The following BPTF variants were observed in gnomAD, a reference collection of about 807,000 sequenced individuals.
BPTF encodes the protein nucleosome-remodeling factor subunit BPTF.
In BPTF, 18 loss-of-function variants were observed where a neutral mutation model predicts 292.5. That is an observed-to-expected ratio of 0.06 (90% CI 0.04 to 0.09). The LOEUF is 0.09. Among genes scored for constraint, BPTF ranks in the 10% least tolerant of loss-of-function variants. The probability of loss-of-function intolerance (pLI) is 1.00; values close to 1 mark genes in which losing one functional copy is unlikely to be tolerated. For synonymous variants in BPTF, 1,225 were observed against 1,251.9 expected (o/e 0.98, Z 0.45); for missense variants, 2,726 against 3,498.7 (o/e 0.78, Z 5.57).
chr17:67,894,270 CTT>C (rs554536543), intron 7 of BPTF, 105 bp downstream of exon 7: 57 of 1,213,078 alleles, frequency 4.7e-5, no homozygotes, highest in Non-Finnish European at 5.9e-5. Flanking sequence ...ATATTGAAGA[CTT>C]TACTTTTGGC....
chr17:67,922,173 A>G (rs1157647331), intron 13 of BPTF, among the ~76,000 whole-genome samples: 9 of 152,124 alleles, frequency 5.9e-5, no homozygotes, highest in African/African-American at 1.2e-4. Context: ...CAGTCCCCTA[A>G]AATCACTTCT....
intron 1 of BPTF, among the ~76,000 whole-genome samples, chr17:67,828,675 T>G (rs939967787): frequency 5.9e-5 from 9 of 152,194 alleles, no homozygotes; most frequent in African/African-American, 2.2e-4. Flanking sequence ...ATTAAAGGCA[T>G]GCAGCACCAC....
At chr17:67,881,764 G>A (rs2060422625) in intron 4 of BPTF, among the ~76,000 whole-genome samples, 1 of 150,758 alleles carries the variant, frequency 6.6e-6, no homozygotes, top group Admixed American at 6.6e-5. Context: ...GCCTCCCAAA[G>A]TGCTGAGACT....
intron 2 of BPTF, among the ~76,000 whole-genome samples, chr17:67,864,064 T>C (rs1279128985): frequency 6.6e-6 from 1 of 152,108 alleles, no homozygotes; most frequent in African/African-American, 2.4e-5. Context: ...CTGAGGAACA[T>C]GGTAGGCCTT....
In BPTF at chr17:67,928,616, TTAAG is replaced by T; in HGVS notation, c.5998+19_5998+22del. On this transcript the variant is annotated intron_variant, in intron 16 of 27. Coordinates refer to ENST00000306378, the MANE Select transcript of BPTF (RefSeq NM_182641.4). ...GTCAAATTCAGGTATGGAACTATCA[TTAAG>T]TAAAAGATTACTTTGGTTCAGGAAA... 1 of 1,583,520 alleles carries T rather than the reference TTAAG, an allele frequency of 6.3e-7. No homozygotes were observed. The highest frequency in any genetic ancestry group is 8.6e-7 in the Non-Finnish European group (1 of 1,162,328).
chr17:67,937,546 A>G (rs905561362), intron 18 of BPTF, among the ~76,000 whole-genome samples: 3 of 152,152 alleles, frequency 2.0e-5, no homozygotes, highest in Non-Finnish European at 2.9e-5. Flanking sequence ...CCTGAAGGAA[A>G]TGAGAGAGCT....
chr17:67,866,432 C>T (rs1475666896), intron 2 of BPTF, 32 bp from the exon 3 acceptor site: 3 of 1,494,144 alleles, frequency 2.0e-6, no homozygotes, highest in Non-Finnish European at 2.8e-6. Flanking sequence ...TTATGTCTAA[C>T]ATATAAAGTA....
At chr17:67,877,881 C>T (rs2060143818) in intron 4 of BPTF, among the ~76,000 whole-genome samples, 1 of 152,196 alleles carries the variant, frequency 6.6e-6, no homozygotes, top group African/African-American at 2.4e-5. Flanking sequence ...CATCCTCCCG[C>T]CTCTGCCTCT....
intron 1 of BPTF, among the ~76,000 whole-genome samples, chr17:67,838,815 A>G (rs2057334012): frequency 6.6e-6 from 1 of 152,262 alleles, no homozygotes; most frequent in Non-Finnish European, 1.5e-5. Context: ...TGGAAGAAGT[A>G]TAATTCATTT....
intron 14 of BPTF, among the ~76,000 whole-genome samples, chr17:67,923,755 C>G (rs890262722): frequency 6.6e-6 from 1 of 152,014 alleles, no homozygotes; most frequent in Non-Finnish European, 1.5e-5. Context: ...GCTGGGATTA[C>G]AAGTGTGAGC....
intron 3 of BPTF, among the ~76,000 whole-genome samples, chr17:67,868,785 A>C (rs1028048138): frequency 2.0e-5 from 3 of 152,192 alleles, no homozygotes; most frequent in African/African-American, 7.2e-5. Context: ...CCTTGTTCTC[A>C]CATATTCTAC....
chr17:67,918,822 A>C lies in BPTF; in HGVS notation c.5412A>C (p.Gly1804=). The change falls in exon 12 of 28, where the codon GGA becomes GGC. Residue 1804 remains glycine (G), a synonymous_variant. Transcript: ENST00000306378. ...TGGCGGCCAAGGCTCCTCCAGGAGG[A>C]GGGACTACACGGACAGGTAAGGGGG... ...DDMAAKAPPG[G]GTTRTETSET... 1 of 1,613,370 alleles carries C rather than the reference A, an allele frequency of 6.2e-7. No individual in the cohort carries two copies. The highest frequency in any genetic ancestry group is 8.5e-7 in the Non-Finnish European group (1 of 1,179,498).
intron 13 of BPTF, among the ~76,000 whole-genome samples, chr17:67,921,980 G>A (rs918528937): frequency 1.5e-4 from 23 of 150,978 alleles, no homozygotes; most frequent in African/African-American, 5.6e-4. Flanking sequence ...GCAGTGAGCC[G>A]AGATCACACC....
chr17:67,872,828 T>C (rs1261522426), intron 3 of BPTF, among the ~76,000 whole-genome samples: 3 of 152,204 alleles, frequency 2.0e-5, no homozygotes, highest in African/African-American at 7.2e-5. Flanking sequence ...GGCTGGGCAC[T>C]GCTAACGCCT....
At position 67,983,298 on chromosome 17, in the gene BPTF, G is replaced by A. The variant is rs1338767859; in HGVS notation, c.*1010G>A. 1 of 152,596 alleles carries A rather than the reference G, an allele frequency of 6.6e-6. No individual in the cohort carries two copies. The highest frequency in any genetic ancestry group is 1.5e-5 in the Non-Finnish European group (1 of 68,030). The allele number at this position is 152,596 out of a possible 1,614,324, so 9.5% of individuals were successfully genotyped here. On this transcript the variant is annotated 3_prime_UTR_variant, in exon 28 of 28. Coordinates refer to ENST00000306378, the MANE Select transcript of BPTF (RefSeq NM_182641.4). ...GTGGCCCCTCGTTTTATCATTCCCA[G>A]TCCATTGTCATCACGTCAGAGAAAA...
chr17:67,892,634 A>T (rs1367364933), intron 5 of BPTF, among the ~76,000 whole-genome samples: 1 of 152,252 alleles, frequency 6.6e-6, no homozygotes, highest in African/African-American at 2.4e-5. Flanking sequence ...AGAATAAAGG[A>T]CATTCTTAAC....
In BPTF at chr17:67,891,869, C is replaced by T; in HGVS notation, c.1890C>T (p.Ser630=). The T allele has an allele frequency of 6.2e-7, 1 of 1,603,816 alleles. No homozygotes were observed. The highest frequency in any genetic ancestry group is 8.5e-7 in the Non-Finnish European group (1 of 1,175,796). The change falls in exon 5 of 28, where the codon TCC becomes TCT. Residue 630 remains serine, a synonymous_variant. Coordinates refer to ENST00000306378, the MANE Select transcript of BPTF (RefSeq NM_182641.4). ...TAGGTGATTTCAAATCGGAGAAGTC[C>T]AACGGGGAGCTAAGTGAATCTCCTG... ...SEVGDFKSEK[S]NGELSESPGA...
At chr17:67,932,043 AT>A in intron 18 of BPTF, 24 bp downstream of exon 18, 1 of 1,579,550 alleles carries the variant, frequency 6.3e-7, no homozygotes. Flanking sequence ...CAGCATTATC[AT>A]TTTACATCTC....
chr17:67,907,365 T>C (rs1198032225), intron 9 of BPTF, among the ~76,000 whole-genome samples: 2 of 151,538 alleles, frequency 1.3e-5, no homozygotes, highest in Non-Finnish European at 2.9e-5. Context: ...TCACTTTTTT[T>C]TTTTTTTTGA....
Sources: gnomAD v4.1 joint callset for allele counts (sites outside exome capture counted in the v4.1 genomes callset) on GRCh38, gnomAD v4.1.1 for gene constraint, MANE v1.5 for transcripts, NCBI Gene and HGNC (gene_info 2026-07-23, HGNC 2026-07-21) for gene names.